TSHZ2: variants seen among roughly 807,000 people sequenced by gnomAD.
TSHZ2 encodes teashirt homolog 2.
In TSHZ2, 21 loss-of-function variants were observed where a neutral mutation model predicts 74.4. That is an observed-to-expected ratio of 0.28 (90% CI 0.20 to 0.41). The LOEUF (loss-of-function observed/expected upper bound fraction) is 0.41. Ranked by LOEUF, TSHZ2 falls within the 10% of genes least tolerant of loss-of-function variation. The pLI is 1.00. For missense variants in TSHZ2, 1,244 were observed against 1,293.5 expected (o/e 0.96, Z 0.59); for synonymous variants, 540 against 515.3 (o/e 1.05, Z -0.65).
At chr20:53,034,990 T>C (rs1983766168) in intron 1 of TSHZ2, among the ~76,000 whole-genome samples, 1 of 152,236 alleles carries the variant, frequency 6.6e-6, no homozygotes, top group Middle Eastern at 3.4e-3. Context: ...GGAAGGCAAG[T>C]AAGGAGACTC....
chr20:53,007,757 T>TG (rs1982699956), intron 1 of TSHZ2, among the ~76,000 whole-genome samples: 10 of 151,746 alleles, frequency 6.6e-5, no homozygotes, highest in Admixed American at 6.6e-4. Flanking sequence ...TGTGTGTGTG[T>TG]TTGTATTTCT....
At chr20:53,338,528 G>A (rs1980048568) in intron 2 of TSHZ2, among the ~76,000 whole-genome samples, 1 of 152,240 alleles carries the variant, frequency 6.6e-6, no homozygotes, top group African/African-American at 2.4e-5. Flanking sequence ...TCGACAAGGT[G>A]ACTTTGCCTT....
chr20:53,315,445 G>T (rs1978966638), intron 2 of TSHZ2, among the ~76,000 whole-genome samples: 1 of 152,222 alleles, frequency 6.6e-6, no homozygotes, highest in East Asian at 1.9e-4. Flanking sequence ...TCTTGGGAAA[G>T]AAAACATTAC....
intron 2 of TSHZ2, among the ~76,000 whole-genome samples, chr20:53,279,829 A>G (rs1991019898): frequency 6.6e-6 from 1 of 152,038 alleles, no homozygotes; most frequent in South Asian, 2.1e-4. Context: ...CTCCAGGAAG[A>G]CTCCTTTGAG....
In TSHZ2 at chr20:53,256,328, C is replaced by A. The variant is rs146605003; in HGVS notation, c.2870C>A (p.Thr957Asn). 6.2e-6 allele frequency: 10 copies of A among 1,613,792 alleles called. No homozygotes were observed. The African/African-American group carries it at 1.1e-4, about 17-fold the overall frequency. Residue 957 changes from threonine to asparagine, a missense_variant, in exon 2 of 3, where the codon ACC (threonine) becomes AAC (asparagine). Thr to Asn is a moderately conservative substitution (Grantham distance 65). Around this residue, in one of 6 missense-constraint regions of TSHZ2, gnomAD observed 185 missense variants for 213.3 expected, o/e 0.87. Coordinates refer to ENST00000371497, the MANE Select transcript of TSHZ2 (RefSeq NM_173485.6). This position sits in a 1 kb window ranked among gnomAD's most constrained non-coding sequence, Gnocchi z 4.3. ...CTGGGTTTCCAAATGAAGGACATGA[C>A]CCGCTTGTCAGTGGACCAGCAAAGC... ...SHLGFQMKDMTRLSVDQQSKV... is the reference protein window; with the variant it reads ...SHLGFQMKDMNRLSVDQQSKV...
chr20:53,246,344 A>T (rs539412598), intron 1 of TSHZ2, among the ~76,000 whole-genome samples: 1 of 152,236 alleles, frequency 6.6e-6, no homozygotes, highest in Admixed American at 6.5e-5. Context: ...CACCTGGTGC[A>T]CTGTGCTTTT....
intron 2 of TSHZ2, among the ~76,000 whole-genome samples, chr20:53,279,708 G>T (rs1991016822): frequency 6.6e-6 from 1 of 152,120 alleles, no homozygotes; most frequent in Non-Finnish European, 1.5e-5. Context: ...TTACATTCTT[G>T]TTGGAGGAAA....
chr20:53,331,500 TGAGGGGA>T (rs1979721187), intron 2 of TSHZ2, among the ~76,000 whole-genome samples: 1 of 151,834 alleles, frequency 6.6e-6, no homozygotes, highest in Non-Finnish European at 1.5e-5. Flanking sequence ...GCACGACCTC[TGAGGGGA>T]GAGGGGAGAG....
chr20:53,342,991 A>G (rs1287353909), intron 2 of TSHZ2, among the ~76,000 whole-genome samples: 1 of 86,538 alleles, frequency 1.2e-5, no homozygotes, highest in African/African-American at 5.3e-5. Flanking sequence ...TTTTGAGACC[A>G]AGTCTCACCC....
chr20:53,314,323 G>A lies in TSHZ2; in HGVS notation c.*8+57752G>A, dbSNP rs140427766. Among the ~76,000 whole-genome samples, 80 of 151,384 alleles carry A rather than the reference G, an allele frequency of 5.3e-4. 1 individual carries two copies. The highest frequency in any genetic ancestry group is 1.9e-3 in the African/African-American group (79 of 41,378). On this transcript the variant is annotated intron_variant, in intron 2 of 2. Coordinates refer to ENST00000371497, the MANE Select transcript of TSHZ2 (RefSeq NM_173485.6). ...AAAAGAAAGAAAGAAATATGATGCA[G>A]TTTCAGTTATCTATTGCTGTGTAAC... is the stretch of plus-strand genomic sequence containing the variant.
chr20:53,450,556 A>G (rs910340892), intron 2 of TSHZ2, among the ~76,000 whole-genome samples: 1 of 152,198 alleles, frequency 6.6e-6, no homozygotes, highest in African/African-American at 2.4e-5. Context: ...TTGCTCTGTC[A>G]CCCAAGCTCC....
intron 1 of TSHZ2, among the ~76,000 whole-genome samples, chr20:53,009,819 A>T (rs1305276037): frequency 6.6e-6 from 1 of 152,188 alleles, no homozygotes; most frequent in Non-Finnish European, 1.5e-5. Flanking sequence ...AAGATACTCA[A>T]TTATTTCCAT....
chr20:53,200,532 G>A (rs1988978055), intron 1 of TSHZ2, among the ~76,000 whole-genome samples: 1 of 152,172 alleles, frequency 6.6e-6, no homozygotes, highest in Non-Finnish European at 1.5e-5. Flanking sequence ...AAATTAGGAG[G>A]AGATTGGATA....
At chr20:53,291,780 C>T (rs557949681) in intron 2 of TSHZ2, among the ~76,000 whole-genome samples, 2 of 151,670 alleles carry the variant, frequency 1.3e-5, no homozygotes, top group South Asian at 2.1e-4. Context: ...TGATAAAATC[C>T]GCCTGGCACC....
At chr20:53,182,234 C>CTCCTTCCTTCCTTCTTTTCT (rs6147376) in intron 1 of TSHZ2, among the ~76,000 whole-genome samples, 1 of 146,432 alleles carries the variant, frequency 6.8e-6, no homozygotes, top group Non-Finnish European at 1.5e-5. Context: ...TCTTGACTCC[C>CTCCTTCCTTCCTTCTTTTCT]TCCTTCCTTC....
intron 2 of TSHZ2, among the ~76,000 whole-genome samples, chr20:53,340,177 C>CTTTTTTTTTTTTTTTTTTTTT (rs74177489): frequency 1.4e-4 from 13 of 94,082 alleles, no homozygotes; most frequent in African/African-American, 5.4e-4. Flanking sequence ...ACTTTTCTTT[C>CTTTTTTTTTTTTTTTTTTTTT]TTTTTTCTTT....
rs150814958 is a variant in TSHZ2, at chr20:53,142,518, C to T, written c.41-110981C>T. On this transcript the variant is annotated intron_variant, in intron 1 of 2. Transcript: ENST00000371497. The stretch of plus-strand genomic sequence containing the variant: ...CACGTGATGAGTTCCAATACAAGCA[C>T]AGGAAGGAAGATAAGGCCAGAGGAT... Among the ~76,000 whole-genome samples, 723 of 152,298 alleles carry T rather than the reference C, an allele frequency of 4.7e-3. 6 individuals are homozygous for T. Among genetic ancestry groups the T allele is most frequent in the African/African-American group, 0.017 (695 of 41,556 alleles).
At chr20:53,025,725 A>G (rs891168984) in intron 1 of TSHZ2, among the ~76,000 whole-genome samples, 7 of 152,238 alleles carry the variant, frequency 4.6e-5, no homozygotes, top group African/African-American at 1.7e-4. Context: ...AATTTCTTAT[A>G]TGATCTTCCT....
chr20:53,362,547 CTG>C (rs1981109178), intron 2 of TSHZ2, among the ~76,000 whole-genome samples: 1 of 152,146 alleles, frequency 6.6e-6, no homozygotes, highest in African/African-American at 2.4e-5. Context: ...TGAGGGAAGA[CTG>C]TACTTCGTTC....
Sources: allele counts gnomAD v4.1 joint callset (sites outside exome capture counted in the v4.1 genomes callset), GRCh38; gene constraint gnomAD v4.1.1; regional missense constraint gnomAD v4.1.1; non-coding constraint Gnocchi (gnomAD v3.1); transcripts MANE v1.5; gene names NCBI Gene and HGNC (gene_info 2026-07-23, HGNC 2026-07-21).